RBFOX1: variants seen among roughly 807,000 people sequenced by gnomAD.
The protein encoded by RBFOX1 is RNA binding fox-1 homolog 1.
Under a neutral mutation model 57.7 loss-of-function variants are expected in RBFOX1, and 8 were observed. The ratio of observed to expected loss-of-function variants is 0.14; its 90% CI spans 0.08 to 0.25. The LOEUF is 0.25. Ranked by LOEUF, RBFOX1 falls within the 10% of genes least tolerant of loss-of-function variation. The pLI is 1.00. For synonymous variants in RBFOX1, 326 were observed against 222.4 expected (o/e 1.47, Z -4.15); for missense variants, 611 against 548.5 (o/e 1.11, Z -1.14).
chr16:7,447,094 G>A (rs2098814617), intron 4 of RBFOX1, among the ~76,000 whole-genome samples: 1 of 151,998 alleles, frequency 6.6e-6, no homozygotes, highest in Non-Finnish European at 1.5e-5. Flanking sequence ...TTACAGGCGT[G>A]AGCCACTGTC....
chr16:6,615,620 C>T (rs1338332544), intron 2 of RBFOX1, among the ~76,000 whole-genome samples: 1 of 152,084 alleles, frequency 6.6e-6, no homozygotes, highest in African/African-American at 2.4e-5. Flanking sequence ...AGGAAAATTC[C>T]TCATTTCCTC....
chr16:7,150,484 A>C (rs1227303101), intron 4 of RBFOX1, among the ~76,000 whole-genome samples: 4 of 152,140 alleles, frequency 2.6e-5, no homozygotes, highest in Admixed American at 2.6e-4. Context: ...ATTACCACTC[A>C]ATGGTGGTAA....
At chr16:6,956,992 G>T (rs1050305202) in intron 3 of RBFOX1, among the ~76,000 whole-genome samples, 1 of 151,792 alleles carries the variant, frequency 6.6e-6, no homozygotes, top group Non-Finnish European at 1.5e-5. Context: ...GCAGAGTAAA[G>T]TGAAAGCAAG....
At chr16:6,145,629 C>T (rs925210807) in intron 1 of RBFOX1, among the ~76,000 whole-genome samples, 1 of 152,158 alleles carries the variant, frequency 6.6e-6, no homozygotes, top group East Asian at 1.9e-4. Flanking sequence ...CACTTTCCCT[C>T]TTAGAGAGCC....
chr16:7,290,715 C>G (rs529387346), intron 4 of RBFOX1, among the ~76,000 whole-genome samples: 1 of 152,330 alleles, frequency 6.6e-6, no homozygotes. Context: ...ATACCGTTCT[C>G]ATGGGACATG....
chr16:7,243,649 G>A (rs1249459392), intron 4 of RBFOX1, among the ~76,000 whole-genome samples: 1 of 152,086 alleles, frequency 6.6e-6, no homozygotes, highest in African/African-American at 2.4e-5. Context: ...TGGGGCTCAA[G>A]TGATCCTCCC....
In RBFOX1 at chr16:7,639,926, A is replaced by AC. The variant is rs565893944; in HGVS notation, c.757+9249dup. Among the ~76,000 whole-genome samples, 11 of 151,940 alleles carry AC rather than the reference A, an allele frequency of 7.2e-5. 1 individual carries two copies. The South Asian group carries it at 1.9e-3, about 26-fold the overall frequency. On this transcript the variant is annotated intron_variant, in intron 11 of 15. Transcript: ENST00000550418. ...CACAGCATTGCAGAATTATCCAGCT[A>AC]CCCCCCACCCACCAATGGTGAACTC...
intron 2 of RBFOX1, among the ~76,000 whole-genome samples, chr16:6,420,802 G>C (rs2093750676): frequency 1.3e-5 from 2 of 152,286 alleles, no homozygotes; most frequent in South Asian, 2.1e-4. Context: ...GCAAAGATTG[G>C]GGAAATGAAG....
chr16:7,420,066 C>G (rs946240249), intron 4 of RBFOX1, among the ~76,000 whole-genome samples: 2 of 151,274 alleles, frequency 1.3e-5, no homozygotes, highest in African/African-American at 4.9e-5. Context: ...TTTAAAGTAA[C>G]AAATGAGGGT....
chr16:5,562,753 A>G (rs549889814), intron 2 of RBFOX1, among the ~76,000 whole-genome samples: 1 of 152,112 alleles, frequency 6.6e-6, no homozygotes, highest in East Asian at 1.9e-4. Flanking sequence ...GATCTGTTCA[A>G]TCGTTTCAAG....
intron 3 of RBFOX1, among the ~76,000 whole-genome samples, chr16:6,967,005 T>C (rs2084396639): frequency 6.6e-6 from 1 of 152,286 alleles, no homozygotes. Flanking sequence ...ATCCCTCTTT[T>C]ATTTCTGTAT....
chr16:7,317,777 A>T (rs1031789229), intron 4 of RBFOX1, among the ~76,000 whole-genome samples: 1 of 152,210 alleles, frequency 6.6e-6, no homozygotes, highest in African/African-American at 2.4e-5. Context: ...AACTAGCTCT[A>T]TGGGCATGTT....
intron 2 of RBFOX1, among the ~76,000 whole-genome samples, chr16:6,499,825 G>A (rs750145458): frequency 9.2e-5 from 14 of 152,068 alleles, no homozygotes; most frequent in Non-Finnish European, 1.8e-4. Flanking sequence ...GCGGGTAATC[G>A]ATACCTCCTC....
intron 3 of RBFOX1, among the ~76,000 whole-genome samples, chr16:5,620,066 A>C (rs2048158417): frequency 1.3e-5 from 2 of 151,798 alleles, no homozygotes; most frequent in South Asian, 4.2e-4. Context: ...GTTGGCGCCT[A>C]CTGTTTCATT....
chr16:6,549,237 G>A, intron 2 of RBFOX1, among the ~76,000 whole-genome samples: 1 of 22,438 alleles, frequency 4.5e-5, no homozygotes, highest in African/African-American at 2.4e-4. Flanking sequence ...GAAGAGGGGA[G>A]GAGGGAGTAG....
At chr16:6,204,649 C>T (rs1255470317) in intron 1 of RBFOX1, among the ~76,000 whole-genome samples, 5 of 152,030 alleles carry the variant, frequency 3.3e-5, no homozygotes, top group South Asian at 2.1e-4. Context: ...TATACAGTGT[C>T]CTTAAAATGA....
At chr16:7,685,172 G>T (rs2075789451) in intron 14 of RBFOX1, among the ~76,000 whole-genome samples, 1 of 152,058 alleles carries the variant, frequency 6.6e-6, no homozygotes, top group Non-Finnish European at 1.5e-5. Flanking sequence ...CCCCACTTTA[G>T]AGAACAAGCT....
chr16:7,229,544 G>C (rs1603398907), intron 4 of RBFOX1, among the ~76,000 whole-genome samples: 2 of 142,024 alleles, frequency 1.4e-5, no homozygotes, highest in East Asian at 4.5e-4. Context: ...GGAAGGGAAG[G>C]AGAGAGAGAG....
chr16:6,842,781 G>A (rs996917759), intron 3 of RBFOX1, among the ~76,000 whole-genome samples: 5 of 151,510 alleles, frequency 3.3e-5, no homozygotes, highest in African/African-American at 4.9e-5. Flanking sequence ...TTTTAAGCCC[G>A]GCATGCATTA....
Sources: gnomAD v4.1 joint callset for allele counts (sites outside exome capture counted in the v4.1 genomes callset) on GRCh38, gnomAD v4.1.1 for gene constraint, MANE v1.5 for transcripts, NCBI Gene and HGNC (gene_info 2026-07-23, HGNC 2026-07-21) for gene names.